Variants in PDE1A observed in about 807,000 individuals in gnomAD.
PDE1A encodes dual specificity calcium/calmodulin-dependent 3',5'-cyclic nucleotide phosphodiesterase 1A.
PDE1A carries 35 observed loss-of-function variants against 61.7 expected under a neutral mutation model. That is an observed-to-expected ratio of 0.57 (90% CI 0.43 to 0.75). PDE1A has a LOEUF of 0.75. PDE1A is among the 30% of genes least tolerant of loss of function. The probability of loss-of-function intolerance (pLI) is 0.00; values close to 1 mark genes in which losing one functional copy is unlikely to be tolerated. For synonymous variants in PDE1A, 232 were observed against 213.2 expected (o/e 1.09, Z -0.77); for missense variants, 597 against 630.6 (o/e 0.95, Z 0.57).
At position 182,150,380 on chromosome 2, in the gene PDE1A, C is replaced by T. The variant is rs542515025; in HGVS notation, c.1517-3228G>A. ...ATAAATAGATAACCTGAAGTCAAGACGGTTGGCTTTTAATTCACTGGTACT... is the reference window on the plus strand; with the variant it reads ...ATAAATAGATAACCTGAAGTCAAGATGGTTGGCTTTTAATTCACTGGTACT... On this transcript the variant is annotated intron_variant, in intron 13 of 13. Coordinates refer to the PDE1A transcript ENST00000409365. Among the ~76,000 whole-genome samples the T allele has an allele frequency of 6.6e-4, 101 of 152,232 alleles. 1 individual carries two copies. The highest frequency in any genetic ancestry group is 2.2e-3 in the African/African-American group (92 of 41,540).
intron 13 of PDE1A, among the ~76,000 whole-genome samples, chr2:182,158,731 G>A (rs1691226725): frequency 6.6e-6 from 1 of 152,126 alleles, no homozygotes; most frequent in African/African-American, 2.4e-5. Context: ...GTTATGTTTT[G>A]AAGATGACAC....
intron 10 of PDE1A, among the ~76,000 whole-genome samples, chr2:182,198,957 GAATT>G (rs1267034574): frequency 6.6e-6 from 1 of 151,924 alleles, no homozygotes; most frequent in African/African-American, 2.4e-5. Flanking sequence ...TCGGAAATAA[GAATT>G]AAAGTCATCT....
the PDE1A span, among the ~76,000 whole-genome samples, chr2:182,634,116 C>T: frequency 6.6e-6 from 1 of 151,806 alleles, no homozygotes; most frequent in East Asian, 1.9e-4. Context: ...AAAAAGATAA[C>T]CCCTCAATTT....
chr2:182,255,865 C>A (rs1691742489), intron 2 of PDE1A, among the ~76,000 whole-genome samples: 1 of 151,342 alleles, frequency 6.6e-6, no homozygotes, highest in African/African-American at 2.4e-5. Flanking sequence ...ACCATATTGG[C>A]CAGGCTGGTC....
At chr2:182,178,997 G>A (rs1171701061) in intron 13 of PDE1A, among the ~76,000 whole-genome samples, 1 of 152,096 alleles carries the variant, frequency 6.6e-6, no homozygotes, top group African/African-American at 2.4e-5. Context: ...AGTCCCCAGG[G>A]ACTGCAATGC....
chr2:182,218,342 T>C (rs957207465), intron 7 of PDE1A, among the ~76,000 whole-genome samples: 6 of 150,680 alleles, frequency 4.0e-5, no homozygotes, highest in African/African-American at 1.2e-4. Flanking sequence ...GTGGGTGCAG[T>C]GCACCAGCAT....
rs1384817308 is a variant in PDE1A at position 182,380,104 on chromosome 2, CTCTT to C, written c.53+46470_53+46473del. On this transcript the variant is annotated intron_variant, in intron 1 of 13. Coordinates refer to ENST00000351439, the Ensembl canonical transcript of PDE1A. ...CAAGTCATCTTAGAAGACCCAGCTC[CTCTT>C]TTTTTTTTTTTTTTTTTTTTGAGAC... Among the ~76,000 whole-genome samples, 576 of 131,954 alleles carry C rather than the reference CTCTT, an allele frequency of 4.4e-3. 2 individuals carry two copies. Among genetic ancestry groups the C allele is most frequent in the Middle Eastern group, 8.1e-3 (2 of 248 alleles). The allele number at this position is 131,954 out of a possible 152,430, so 86.6% of individuals were successfully genotyped here.
chr2:182,557,548 C>G, the PDE1A span, among the ~76,000 whole-genome samples: 6 of 151,774 alleles, frequency 4.0e-5, no homozygotes, highest in Admixed American at 6.6e-5. Flanking sequence ...CCCATCTATA[C>G]AAAAAATACA....
the PDE1A span, among the ~76,000 whole-genome samples, chr2:182,710,025 T>C: frequency 1.3e-5 from 2 of 152,196 alleles, no homozygotes; most frequent in South Asian, 2.1e-4. Context: ...GACTCCCGAG[T>C]AGCTGGGATT....
intron 7 of PDE1A, among the ~76,000 whole-genome samples, chr2:182,218,672 G>T (rs1429500414): frequency 3.9e-5 from 6 of 152,150 alleles, no homozygotes; most frequent in South Asian, 4.1e-4. Context: ...CATAAACGTG[G>T]GTTGGAATGT....
intron 7 of PDE1A, among the ~76,000 whole-genome samples, chr2:182,206,328 C>T (rs929071839): frequency 3.3e-5 from 5 of 152,260 alleles, no homozygotes; most frequent in East Asian, 3.9e-4. Context: ...ACCACACATG[C>T]GTAACCTCCC....
intron 4 of PDE1A, 26 bp downstream of exon 4, chr2:182,234,397 CCATTTTATA>C: frequency 6.9e-7 from 1 of 1,450,112 alleles, no homozygotes; most frequent in Non-Finnish European, 9.6e-7. Flanking sequence ...TTTAAAATGA[CCATTTTATA>C]CACGAAAATA....
At chr2:182,654,964 T>C in the PDE1A span, among the ~76,000 whole-genome samples, 1 of 152,170 alleles carries the variant, frequency 6.6e-6, no homozygotes, top group African/African-American at 2.4e-5. Flanking sequence ...ATCTGGCCTT[T>C]TTGCTCATTT....
intron 2 of PDE1A, among the ~76,000 whole-genome samples, chr2:182,478,336 C>T (rs756764571): frequency 1.4e-5 from 2 of 145,316 alleles, no homozygotes; most frequent in African/African-American, 5.2e-5. Flanking sequence ...GCTGGTTATT[C>T]CTGCTATGCA....
At chr2:182,242,185 T>C in intron 2 of PDE1A, 1 of 615,094 alleles carries the variant, frequency 1.6e-6, no homozygotes, top group East Asian at 5.9e-5. Flanking sequence ...GTAAATTTCA[T>C]GTTGATGGCT....
chr2:182,400,978 TG>T (rs1701969085), intron 1 of PDE1A, among the ~76,000 whole-genome samples: 1 of 152,178 alleles, frequency 6.6e-6, no homozygotes, highest in Admixed American at 6.6e-5. Flanking sequence ...TTCTCTTTTT[TG>T]TAAGTCCCTA....
At chr2:182,456,171 C>A (rs1330195748) in intron 2 of PDE1A, among the ~76,000 whole-genome samples, 1 of 152,030 alleles carries the variant, frequency 6.6e-6, no homozygotes, top group African/African-American at 2.4e-5. Flanking sequence ...TATACTAGTT[C>A]TTTCAGAGTG....
chr2:182,496,272 C>T (rs1474982517), intron 2 of PDE1A, among the ~76,000 whole-genome samples: 2 of 138,492 alleles, frequency 1.4e-5, no homozygotes, highest in Non-Finnish European at 3.2e-5. Flanking sequence ...TTAAATACTA[C>T]CAAAGACTGC....
chr2:182,535,664 G>A, the PDE1A span, among the ~76,000 whole-genome samples: 42 of 151,988 alleles, frequency 2.8e-4, no homozygotes, highest in African/African-American at 9.4e-4. Flanking sequence ...TACATTTGAC[G>A]GGGGTATATA....
Sources: allele counts gnomAD v4.1 joint callset (sites outside exome capture counted in the v4.1 genomes callset), GRCh38; gene constraint gnomAD v4.1.1; transcripts MANE v1.5; gene names NCBI Gene and HGNC (gene_info 2026-07-23, HGNC 2026-07-21).